ZFHX3: variants seen among roughly 807,000 people sequenced by gnomAD.
The protein encoded by ZFHX3 is zinc finger homeobox protein 3.
Under a neutral mutation model 279.1 loss-of-function variants are expected in ZFHX3, and 42 were observed. The ratio of observed to expected loss-of-function variants is 0.15; its 90% CI spans 0.12 to 0.19. The LOEUF (loss-of-function observed/expected upper bound fraction) is 0.19. Among genes scored for constraint, ZFHX3 ranks in the 10% least tolerant of loss-of-function variants. The pLI is 1.00. For missense variants in ZFHX3, 4,981 were observed against 4,754.0 expected (o/e 1.05, Z -1.40); for synonymous variants, 2,293 against 1,957.8 (o/e 1.17, Z -4.52).
intron 4 of ZFHX3, among the ~76,000 whole-genome samples, chr16:72,888,553 G>A (rs1403870248): frequency 6.6e-6 from 1 of 152,230 alleles, no homozygotes; most frequent in African/African-American, 2.4e-5. Flanking sequence ...TGTGCCCAGG[G>A]ACATGGGGCA....
chr16:73,847,904 GT>G (rs60189791), intron 1 of ZFHX3, among the ~76,000 whole-genome samples: 2,137 of 80,082 alleles, frequency 0.027, 24 homozygotes, highest in African/African-American at 0.12. Context: ...TGCCTGGCTA[GT>G]TTTTTTTTTT....
At chr16:73,390,995 A>T (rs2017001156) in intron 3 of ZFHX3, among the ~76,000 whole-genome samples, 1 of 151,774 alleles carries the variant, frequency 6.6e-6, no homozygotes, top group African/African-American at 2.4e-5. Context: ...TTTTTTTTTA[A>T]ACCAGCTAAT....
intron 3 of ZFHX3, among the ~76,000 whole-genome samples, chr16:73,425,310 A>T (rs949967183): frequency 3.9e-5 from 6 of 152,176 alleles, no homozygotes; most frequent in Non-Finnish European, 8.8e-5. Flanking sequence ...AGGTACCCAG[A>T]CAGCTCGGCC....
chr16:73,891,177 G>A lies in ZFHX3; in HGVS notation c.-1608+474C>T, dbSNP rs553857385. Among the ~76,000 whole-genome samples the A allele has an allele frequency of 2.0e-5, 3 of 152,082 alleles. No individual in the cohort carries two copies. The East Asian group carries it at 5.8e-4, about 29-fold the overall frequency. On this transcript the variant is annotated intron_variant, in intron 1 of 17. Coordinates refer to the ZFHX3 transcript ENST00000641206. ...CACACATTAATATAAAAAAGTCACA[G>A]CAATCATGTCATGATTTCCTGCCTC...
At chr16:73,285,525 G>A (rs1458718797) in intron 4 of ZFHX3, among the ~76,000 whole-genome samples, 1 of 152,182 alleles carries the variant, frequency 6.6e-6, no homozygotes, top group African/African-American at 2.4e-5. Context: ...GTCAGGACGG[G>A]GGATCTGACC....
At chr16:73,189,753 A>G (rs968438947) in intron 5 of ZFHX3, among the ~76,000 whole-genome samples, 2 of 152,164 alleles carry the variant, frequency 1.3e-5, no homozygotes, top group African/African-American at 4.8e-5. Flanking sequence ...CCAACAAGGT[A>G]TGAGCATCTC....
At chr16:73,327,992 C>T (rs2015727187) in intron 3 of ZFHX3, among the ~76,000 whole-genome samples, 2 of 152,204 alleles carry the variant, frequency 1.3e-5, no homozygotes. Flanking sequence ...TCAACCTTTT[C>T]AGCTCAGGAT....
intron 2 of ZFHX3, among the ~76,000 whole-genome samples, chr16:73,518,754 G>GAAAAA (rs1345386019): frequency 6.6e-6 from 1 of 152,090 alleles, no homozygotes; most frequent in South Asian, 2.1e-4. Flanking sequence ...CTTTTTCCCC[G>GAAAAA]TTCTGCCGTA....
chr16:73,876,779 C>A (rs1317135922), intron 1 of ZFHX3, among the ~76,000 whole-genome samples: 2 of 152,118 alleles, frequency 1.3e-5, no homozygotes, highest in Non-Finnish European at 2.9e-5. Flanking sequence ...TGTAAAACAA[C>A]CCCCTAGAAG....
intron 1 of ZFHX3, among the ~76,000 whole-genome samples, chr16:73,682,918 G>A (rs55986905): frequency 0.24 from 9,147 of 38,588 alleles, 1,307 homozygotes; most frequent in East Asian, 0.33. Context: ...GAAAGAAAGA[G>A]AGAAAGAGAA....
chr16:73,158,909 A>G (rs1967159691), intron 5 of ZFHX3, among the ~76,000 whole-genome samples: 2 of 152,236 alleles, frequency 1.3e-5, no homozygotes, highest in South Asian at 2.1e-4. Context: ...CCTTCCTTAA[A>G]TCATATGCAA....
At chr16:72,955,358 T>G (rs1251784297) in intron 2 of ZFHX3, among the ~76,000 whole-genome samples, 1 of 152,228 alleles carries the variant, frequency 6.6e-6, no homozygotes, top group Non-Finnish European at 1.5e-5. Flanking sequence ...CTGCTCCTTC[T>G]GAATCTGCCG....
At chr16:73,072,337 A>G (rs1965834506) in intron 8 of ZFHX3, among the ~76,000 whole-genome samples, 1 of 151,562 alleles carries the variant, frequency 6.6e-6, no homozygotes, top group African/African-American at 2.4e-5. Flanking sequence ...CCAGCTACTC[A>G]GGAGGCTGAG....
chr16:72,810,933 C>T (rs1398347662), intron 7 of ZFHX3, among the ~76,000 whole-genome samples: 1 of 152,086 alleles, frequency 6.6e-6, no homozygotes, highest in African/African-American at 2.4e-5. Context: ...CAGGCTGCAG[C>T]GCAGTGGCCT....
At chr16:73,739,205 C>T (rs1187505958) in intron 1 of ZFHX3, among the ~76,000 whole-genome samples, 1 of 152,268 alleles carries the variant, frequency 6.6e-6, no homozygotes, top group Non-Finnish European at 1.5e-5. Flanking sequence ...CCTGACTAGG[C>T]TCTGACAGAT....
rs532841831 is a variant in ZFHX3, at chr16:73,797,562, C to T, written c.-1608+94089G>A. On this transcript the variant is annotated intron_variant, in intron 1 of 17. Transcript: ENST00000641206. ...ATAAATCTGTGATGGCCAGAGAATG[C>T]CTGAAATTTTCAAGTATGATTCATT... 3.9e-5 allele frequency among the ~76,000 whole-genome samples: 6 copies of T among 152,162 alleles called. No individual in the cohort carries two copies. In the South Asian group the frequency reaches 1.2e-3, roughly 32 times the overall value.
intron 7 of ZFHX3, among the ~76,000 whole-genome samples, chr16:72,810,067 G>T (rs1478581216): frequency 6.6e-6 from 1 of 151,890 alleles, no homozygotes; most frequent in Non-Finnish European, 1.5e-5. Flanking sequence ...TTATTTTTCA[G>T]TAGAGACAGG....
intron 1 of ZFHX3, among the ~76,000 whole-genome samples, chr16:73,054,915 G>GA (rs544830471): frequency 3.3e-5 from 5 of 151,882 alleles, no homozygotes; most frequent in East Asian, 3.9e-4. Flanking sequence ...AGATAAAGGG[G>GA]AAAAAAATAC....
chr16:72,864,470 C>T (rs2037964490), intron 4 of ZFHX3, among the ~76,000 whole-genome samples: 1 of 148,056 alleles, frequency 6.8e-6, no homozygotes, highest in Non-Finnish European at 1.5e-5. Context: ...AGGGGGCGTT[C>T]ATCCCCCTTC....
Sources: gnomAD v4.1 joint callset for allele counts (sites outside exome capture counted in the v4.1 genomes callset) on GRCh38, gnomAD v4.1.1 for gene constraint, MANE v1.5 for transcripts, NCBI Gene and HGNC (gene_info 2026-07-23, HGNC 2026-07-21) for gene names.